The following PLEKHD1 variants were observed in gnomAD, a reference collection of about 807,000 sequenced individuals.
PLEKHD1 encodes pleckstrin homology domain-containing family D member 1.
PLEKHD1 carries 51 observed loss-of-function variants against 69.2 expected under a neutral mutation model. The observed-to-expected ratio is 0.74, with a 90% confidence interval of 0.59 to 0.93. PLEKHD1 has a LOEUF of 0.93. Among genes scored for constraint, PLEKHD1 ranks in the 40% least tolerant of loss-of-function variants. The probability of loss-of-function intolerance (pLI) is 0.00; values close to 1 mark genes in which losing one functional copy is unlikely to be tolerated. For missense variants in PLEKHD1, 584 were observed against 641.0 expected (o/e 0.91, Z 0.96); for synonymous variants, 236 against 244.7 (o/e 0.96, Z 0.33).
rs149416002 is a variant in PLEKHD1, at chr14:69,531,411, A to G, written c.*2992A>G. The G allele has an allele frequency of 1.3e-5, 2 of 152,384 alleles. No homozygotes were observed. The highest frequency in any genetic ancestry group is 4.8e-5 in the African/African-American group (2 of 41,592). 9.4% of individuals were successfully genotyped at this position (152,384 alleles called of 1,614,324 possible). A position where few individuals can be genotyped will look rare whatever the true frequency, so the allele number is the denominator to read the frequency against. On this transcript the variant is annotated 3_prime_UTR_variant, in exon 13 of 13. Transcript: ENST00000322564. The stretch of plus-strand genomic sequence containing the variant: ...GCTCACTATGTACCTAGCACTGTAA[A>G]TAGAAAAATAGCAACATCTCTATAT...
intron 1 of PLEKHD1, among the ~76,000 whole-genome samples, chr14:69,492,004 AC>A (rs1882786464): frequency 6.6e-6 from 1 of 152,022 alleles, no homozygotes; most frequent in African/African-American, 2.4e-5. Context: ...CTACAATATG[AC>A]CTTATAAGTG....
At chr14:69,490,629 G>A (rs1027273269) in intron 1 of PLEKHD1, among the ~76,000 whole-genome samples, 1 of 152,170 alleles carries the variant, frequency 6.6e-6, no homozygotes, top group African/African-American at 2.4e-5. Flanking sequence ...ACTCTAATGT[G>A]TCATGACTCA....
intron 1 of PLEKHD1, among the ~76,000 whole-genome samples, chr14:69,487,647 T>C (rs1246193900): frequency 6.6e-6 from 1 of 152,218 alleles, no homozygotes; most frequent in Non-Finnish European, 1.5e-5. Flanking sequence ...GAAGGTGCCC[T>C]TGAGCTGAAG....
At position 69,500,565 on chromosome 14, in the gene PLEKHD1, G is replaced by T; in HGVS notation, c.244-12G>T. ...GGTGGGGTGGGGGCTGCCTGTTCTGGTTCTTCCTCAGGGCGTCATCCCTCT... is the reference window on the plus strand; with the variant it reads ...GGTGGGGTGGGGGCTGCCTGTTCTGTTTCTTCCTCAGGGCGTCATCCCTCT... On this transcript the variant is annotated splice_polypyrimidine_tract_variant and intron_variant, in intron 2 of 12. Transcript: ENST00000322564. 6.5e-7 allele frequency: 1 copy of T among 1,544,258 alleles called. No individual in the cohort carries two copies.
At chr14:69,516,801 C>G (rs955210599) in intron 6 of PLEKHD1, among the ~76,000 whole-genome samples, 3 of 152,184 alleles carry the variant, frequency 2.0e-5, no homozygotes, top group Non-Finnish European at 4.4e-5. Flanking sequence ...TTCCAAGTAG[C>G]TGAGACCACA....
chr14:69,503,001 G>A (rs1883064608), intron 6 of PLEKHD1, 122 bp downstream of exon 6: 1 of 1,188,880 alleles, frequency 8.4e-7, no homozygotes, highest in African/African-American at 1.5e-5. Context: ...ATGGGGCAGG[G>A]CGGGGAGGCC....
Position 69,528,346 on chromosome 14 carries a change from T to C in PLEKHD1, c.1448T>C (p.Phe483Ser), listed in dbSNP as rs760711269. 5.8e-6 allele frequency: 9 copies of C among 1,551,526 alleles called. No individual in the cohort carries two copies. In the Admixed American group the frequency reaches 1.4e-4, roughly 24 times the overall value. Reference sequence around the variant, plus strand: ...AAGCGGCTCAGCAGGGACCAGCGCTTCCGGGAATCCATCTACCACATCATG... The same window carrying C: ...AAGCGGCTCAGCAGGGACCAGCGCTCCCGGGAATCCATCTACCACATCATG... ...VAKRLSRDQR[F>S]RESIYHIMAT... The change falls in exon 13 of 13, where the codon TTC becomes TCC. Residue 483 changes from phenylalanine (F) to serine (S), a missense_variant. Coordinates refer to ENST00000322564, the MANE Select transcript of PLEKHD1 (RefSeq NM_001161498.2).
At chr14:69,518,873 C>T (rs936581188) in intron 6 of PLEKHD1, among the ~76,000 whole-genome samples, 2 of 152,176 alleles carry the variant, frequency 1.3e-5, no homozygotes, top group Non-Finnish European at 2.9e-5. Flanking sequence ...TGTGCTTGAG[C>T]AGCCCAGAGT....
At position 69,526,017 on chromosome 14, in the gene PLEKHD1, A is replaced by C. The variant is rs1883638191; in HGVS notation, c.818A>C (p.Asn273Thr). The stretch of plus-strand genomic sequence containing the variant: ...GAGAACCACCTGCAGACACTGGCCA[A>C]TCAGAGTGAGCAGCCCCCTCCCAGT... ...ENENHLQTLA[N>T]QSEQPPPSGG... Residue 273 changes from asparagine (N) to threonine (T), a missense_variant, in exon 9 of 13, where the codon AAT (asparagine) becomes ACT (threonine). Coordinates refer to ENST00000322564, the MANE Select transcript of PLEKHD1 (RefSeq NM_001161498.2). 6.4e-7 allele frequency: 1 copy of C among 1,551,574 alleles called. No individual in the cohort carries two copies. The highest frequency in any genetic ancestry group is 8.7e-7 in the Non-Finnish European group (1 of 1,146,990).
intron 4 of PLEKHD1, chr14:69,501,464 G>T: frequency 2.6e-6 from 1 of 382,552 alleles, no homozygotes; most frequent in Non-Finnish European, 4.7e-6. Flanking sequence ...CACCCAGGAA[G>T]CAATCTCCTC....
intron 6 of PLEKHD1, among the ~76,000 whole-genome samples, chr14:69,519,862 T>C (rs1252953065): frequency 1.3e-5 from 2 of 152,138 alleles, no homozygotes; most frequent in Non-Finnish European, 2.9e-5. Flanking sequence ...GCCCCAGACC[T>C]GTAAAAGCTG....
intron 1 of PLEKHD1, among the ~76,000 whole-genome samples, chr14:69,494,643 T>G (rs1882847806): frequency 6.6e-6 from 1 of 152,178 alleles, no homozygotes; most frequent in Admixed American, 6.5e-5. Flanking sequence ...GGCAGCCATC[T>G]CTCGCCCTTG....
intron 1 of PLEKHD1, among the ~76,000 whole-genome samples, chr14:69,499,077 G>A (rs116889356): frequency 2.7e-3 from 408 of 152,258 alleles, no homozygotes; most frequent in Non-Finnish European, 3.2e-3. Flanking sequence ...CTTGCATGGT[G>A]CAAATACTCC....
At chr14:69,490,949 C>T (rs552064532) in intron 1 of PLEKHD1, among the ~76,000 whole-genome samples, 1 of 152,312 alleles carries the variant, frequency 6.6e-6, no homozygotes, top group Admixed American at 6.5e-5. Flanking sequence ...AGAAGCCAGG[C>T]TGGATGTTCG....
intron 12 of PLEKHD1, 79 bp downstream of exon 12, chr14:69,528,011 G>T: frequency 6.5e-7 from 1 of 1,541,210 alleles, no homozygotes. Flanking sequence ...AGAAGGGTTG[G>T]CCCAGCTCTG....
chr14:69,478,097 A>G, the PLEKHD1 span, among the ~76,000 whole-genome samples: 1 of 152,224 alleles, frequency 6.6e-6, no homozygotes, highest in Non-Finnish European at 1.5e-5. Flanking sequence ...GAGGCTCCCA[A>G]ACCTCAATTC....
chr14:69,501,097 A>G, intron 4 of PLEKHD1, 150 bp downstream of exon 4: 1 of 776,428 alleles, frequency 1.3e-6, no homozygotes. Context: ...CAGACAGGCC[A>G]GGTTTTAGAG....
chr14:69,522,088 A>G (rs1332693781), intron 6 of PLEKHD1, among the ~76,000 whole-genome samples, 195 bp from the exon 7 acceptor site: 2 of 152,160 alleles, frequency 1.3e-5, no homozygotes, highest in African/African-American at 4.8e-5. Flanking sequence ...TCGATTCATC[A>G]TAGATTTTGG....
the PLEKHD1 span, among the ~76,000 whole-genome samples, chr14:69,470,323 C>T: frequency 2.6e-5 from 4 of 151,620 alleles, no homozygotes; most frequent in Non-Finnish European, 4.4e-5. Context: ...ATTAGCCAGG[C>T]GTAGTGGTGC....
Sources: allele counts gnomAD v4.1 joint callset (sites outside exome capture counted in the v4.1 genomes callset), GRCh38; gene constraint gnomAD v4.1.1; transcripts MANE v1.5; gene names NCBI Gene and HGNC (gene_info 2026-07-23, HGNC 2026-07-21).